The following RFC1 variants were observed in gnomAD, a reference collection of about 807,000 sequenced individuals.
RFC1 encodes the protein replication factor C subunit 1.
A neutral mutation model predicts 137.4 loss-of-function variants in RFC1; 37 were observed. The ratio of observed to expected loss-of-function variants is 0.27; its 90% CI spans 0.21 to 0.35. RFC1 has a LOEUF of 0.35. RFC1 is among the 10% of genes least tolerant of loss of function. RFC1 has a pLI of 1.00. For missense variants in RFC1, 1,205 were observed against 1,358.5 expected (o/e 0.89, Z 1.78); for synonymous variants, 429 against 455.7 (o/e 0.94, Z 0.75).
chr4:39,305,442 A>C (rs1738588935), intron 14 of RFC1, among the ~76,000 whole-genome samples: 1 of 152,094 alleles, frequency 6.6e-6, no homozygotes, highest in South Asian at 2.1e-4. Context: ...CCCCATCTCG[A>C]CTAAAAATAC....
At chr4:39,299,929 C>CAAAAT in intron 21 of RFC1, 92 bp downstream of exon 21, 2 of 797,964 alleles carry the variant, frequency 2.5e-6, no homozygotes, top group Non-Finnish European at 4.2e-6. Flanking sequence ...ATAAAGTAAA[C>CAAAAT]AAAATAAAAT....
chr4:39,304,310 G>T (rs1380098066), intron 15 of RFC1, among the ~76,000 whole-genome samples: 1 of 152,174 alleles, frequency 6.6e-6, no homozygotes, highest in African/African-American at 2.4e-5. Flanking sequence ...ACCTTTGCCT[G>T]CAGTGACCTC....
At chr4:39,329,272 C>T (rs753491635) in intron 4 of RFC1, among the ~76,000 whole-genome samples, 6 of 151,484 alleles carry the variant, frequency 4.0e-5, no homozygotes, top group Non-Finnish European at 5.9e-5. Flanking sequence ...GAGGCTGAGG[C>T]GGAGGATTGC....
At chr4:39,306,235 T>C (rs752465450) in intron 14 of RFC1, among the ~76,000 whole-genome samples, 2 of 152,204 alleles carry the variant, frequency 1.3e-5, no homozygotes, top group Non-Finnish European at 2.9e-5. Flanking sequence ...ATGATGACAG[T>C]ACAGATAATT....
chr4:39,315,599 C>T (rs1033777772), intron 10 of RFC1, among the ~76,000 whole-genome samples: 1 of 152,184 alleles, frequency 6.6e-6, no homozygotes, highest in Non-Finnish European at 1.5e-5. Flanking sequence ...CACAGTGTGG[C>T]CAACAACGAA....
intron 5 of RFC1, 137 bp from the exon 6 acceptor site, chr4:39,326,777 G>T: frequency 1.6e-6 from 1 of 626,484 alleles, no homozygotes; most frequent in Non-Finnish European, 2.8e-6. Context: ...ATGTACACCA[G>T]CCAGAAAGTC....
Position 39,308,567 on chromosome 4 carries a change from T to C in RFC1, c.1885+69A>G, listed in dbSNP as rs1738800834. 11 of 1,525,896 alleles carry C rather than the reference T, an allele frequency of 7.2e-6. 1 individual carries two copies. The South Asian group carries it at 9.1e-5, about 13-fold the overall frequency. The allele number at this position is 1,525,896 out of a possible 1,614,324, so 94.5% of individuals were successfully genotyped here. On this transcript the variant is annotated intron_variant, in intron 13 of 24. Transcript: ENST00000349703. ...ATGAATGAATCGTTAGATTTTCTCA[T>C]ATATGTGCCACTGAGCAATCACATG...
At chr4:39,343,616 T>C (rs1331991830) in intron 3 of RFC1, among the ~76,000 whole-genome samples, 5 of 152,216 alleles carry the variant, frequency 3.3e-5, no homozygotes. Flanking sequence ...CACACTGTAG[T>C]AAACTGTATC....
At chr4:39,360,146 G>A (rs1022956432) in intron 1 of RFC1, among the ~76,000 whole-genome samples, 4 of 152,046 alleles carry the variant, frequency 2.6e-5, no homozygotes, top group African/African-American at 4.8e-5. Context: ...TGAGTGGATC[G>A]TTTCAGGTCA....
intron 19 of RFC1, among the ~76,000 whole-genome samples, chr4:39,301,286 G>A (rs17288538): frequency 3.9e-5 from 6 of 152,118 alleles, no homozygotes; most frequent in Non-Finnish European, 7.4e-5. Flanking sequence ...GGAGGAAAGC[G>A]GAAAGGAAGA....
At position 39,302,524 on chromosome 4, in the gene RFC1, C is replaced by A. The variant is rs1383685207; in HGVS notation, c.2412G>T (p.Leu804Phe). 6.2e-7 allele frequency: 1 copy of A among 1,608,580 alleles called. No individual in the cohort carries two copies. The highest frequency in any genetic ancestry group is 8.5e-7 in the Non-Finnish European group (1 of 1,175,628). The change falls in exon 18 of 25, where the codon TTG becomes TTT. Residue 804 changes from leucine (L) to phenylalanine (F), a missense_variant. By Grantham distance (22) the Leu-to-Phe change is conservative (BLOSUM62 0). This residue lies in a region of RFC1 where 962 missense variants were observed against 1,035.3 expected (regional missense o/e 0.93). Transcript: ENST00000349703. ...IPPPAMNEII[L>F]GANQDIRQVL... ...CCTGTCTGATATCTTGATTGGCTCCCAAAATTATTTCATTCATAGCTGGAG... is the reference window on the plus strand; with the variant it reads ...CCTGTCTGATATCTTGATTGGCTCCAAAAATTATTTCATTCATAGCTGGAG...
intron 9 of RFC1, among the ~76,000 whole-genome samples, chr4:39,317,474 TCC>T (rs1460120674): frequency 6.6e-6 from 1 of 152,150 alleles, no homozygotes; most frequent in Non-Finnish European, 1.5e-5. Context: ...CCAGCCTGCA[TCC>T]CTAAGGACAT....
intron 4 of RFC1, among the ~76,000 whole-genome samples, chr4:39,334,372 G>T (rs769161832): frequency 1.2e-4 from 18 of 152,008 alleles, no homozygotes; most frequent in South Asian, 4.1e-4. Context: ...AAGTTCCTTT[G>T]CCCTTAACAT....
Position 39,303,147 on chromosome 4 carries a change from T to C in RFC1, c.2115A>G (p.Gly705=). Residue 705 remains glycine (G), a synonymous_variant, in exon 16 of 25, where the codon GGA becomes GGG. Coordinates refer to ENST00000349703, the MANE Select transcript of RFC1 (RefSeq NM_002913.5). Reference sequence around the variant, plus strand: ...GTTTCGTGCTTACTGAAGAGGCTGCTCCATCTGACCCAGGTTGAGGAGCAA... The same window carrying C: ...GTTTCGTGCTTACTGAAGAGGCTGCCCCATCTGACCCAGGTTGAGGAGCAA... The part of the protein sequence containing the change: ...NTSIKGFYSN[G]AASSVSTKHA... 6.2e-7 allele frequency: 1 copy of C among 1,612,308 alleles called. No homozygotes were observed. Among genetic ancestry groups the C allele is most frequent in the South Asian group, 1.1e-5 (1 of 91,054 alleles).
intron 12 of RFC1, among the ~76,000 whole-genome samples, chr4:39,310,967 C>T (rs1185533412): frequency 1.3e-5 from 2 of 151,990 alleles, no homozygotes; most frequent in African/African-American, 2.4e-5. Context: ...CATGGTGAAA[C>T]TCCGTCTCTA....
At chr4:39,364,809 A>T in intron 1 of RFC1, among the ~76,000 whole-genome samples, 1 of 152,226 alleles carries the variant, frequency 6.6e-6, no homozygotes, top group East Asian at 1.9e-4. Context: ...ACAGAGGCTT[A>T]AAGAGATTAA....
chr4:39,351,333 A>G lies in RFC1; in HGVS notation c.132+15T>C. 6.7e-7 allele frequency: 1 copy of G among 1,502,084 alleles called. No homozygotes were observed. The highest frequency in any genetic ancestry group is 8.8e-7 in the Non-Finnish European group (1 of 1,130,476). 93.0% of individuals were successfully genotyped at this position (1,502,084 alleles called of 1,614,324 possible). ...TACATTTCATTCAATGCAAAATTAT[A>G]CCCAGAAAACTAACCTTGATTTCCT... On this transcript the variant is annotated intron_variant, in intron 2 of 24. Coordinates refer to ENST00000349703, the MANE Select transcript of RFC1 (RefSeq NM_002913.5).
At chr4:39,298,804 T>A (rs907808350) in intron 21 of RFC1, among the ~76,000 whole-genome samples, 3 of 152,224 alleles carry the variant, frequency 2.0e-5, no homozygotes, top group African/African-American at 7.2e-5. Context: ...ACATTAAAAA[T>A]TTTTTGAAAT....
intron 4 of RFC1, among the ~76,000 whole-genome samples, chr4:39,340,739 T>C (rs1476536058): frequency 6.6e-6 from 1 of 152,146 alleles, no homozygotes; most frequent in Non-Finnish European, 1.5e-5. Flanking sequence ...CATTCACCTA[T>C]CATTTCAAAC....
Sources: allele counts gnomAD v4.1 joint callset (sites outside exome capture counted in the v4.1 genomes callset), GRCh38; gene constraint gnomAD v4.1.1; regional missense constraint gnomAD v4.1.1; transcripts MANE v1.5; gene names NCBI Gene and HGNC (gene_info 2026-07-23, HGNC 2026-07-21).